The following TRIM69 variants were observed in gnomAD, a reference collection of about 807,000 sequenced individuals.
TRIM69 encodes E3 ubiquitin-protein ligase TRIM69.
A neutral mutation model predicts 37.7 loss-of-function variants in TRIM69; 29 were observed. The ratio of observed to expected loss-of-function variants is 0.77; its 90% confidence interval spans 0.57 to 1.05. The LOEUF is 1.05. Among genes scored for constraint, TRIM69 ranks in the 50% least tolerant of loss-of-function variants. The pLI is 0.00. For synonymous variants in TRIM69, 209 were observed against 212.4 expected, an observed-to-expected ratio of 0.98 and a Z score of 0.14; for missense variants, 596 against 579.9, an observed-to-expected ratio of 1.03 and a Z score of -0.28.
intron 1 of TRIM69, among the ~76,000 whole-genome samples, chr15:44,742,761 C>T (rs539143595): frequency 3.7e-4 from 54 of 146,160 alleles, no homozygotes; most frequent in Middle Eastern, 3.4e-3. Flanking sequence ...TTACAAGGGA[C>T]GTGAATGACC....
chr15:44,740,509 G>C (rs2087258314), intron 1 of TRIM69, among the ~76,000 whole-genome samples: 1 of 152,186 alleles, frequency 6.6e-6, no homozygotes, highest in Non-Finnish European at 1.5e-5. Flanking sequence ...TGTATAACTA[G>C]AATAACCAAT....
chr15:44,753,995 C>T (rs2087589440), intron 1 of TRIM69: 1 of 152,254 alleles, frequency 6.6e-6, no homozygotes, highest in Non-Finnish European at 1.5e-5. Context: ...GGATTACAGG[C>T]TTGAGCCGCA....
chr15:44,761,208 G>A (rs1237522256), intron 6 of TRIM69, among the ~76,000 whole-genome samples: 1 of 152,128 alleles, frequency 6.6e-6, no homozygotes, highest in African/African-American at 2.4e-5. Context: ...ATGAGCCACT[G>A]CGCCAGGCCG....
intron 1 of TRIM69, among the ~76,000 whole-genome samples, chr15:44,745,698 A>G (rs1596018879): frequency 6.6e-6 from 1 of 152,300 alleles, no homozygotes; most frequent in Non-Finnish European, 1.5e-5. Flanking sequence ...ACCAGCAAAG[A>G]TGTAGAAGTT....
chr15:44,748,228 G>A (rs1378880026), intron 1 of TRIM69, among the ~76,000 whole-genome samples: 1 of 152,194 alleles, frequency 6.6e-6, no homozygotes. Flanking sequence ...TGATATGCAA[G>A]TTGAAAAGTA....
intron 1 of TRIM69, among the ~76,000 whole-genome samples, chr15:44,741,032 C>A (rs1233045476): frequency 2.7e-5 from 4 of 150,636 alleles, no homozygotes; most frequent in Non-Finnish European, 6.0e-5. Flanking sequence ...AGCACCACAC[C>A]ACACCTATTC....
intron 6 of TRIM69, among the ~76,000 whole-genome samples, chr15:44,763,481 C>T (rs1206221571): frequency 6.6e-6 from 1 of 152,176 alleles, no homozygotes; most frequent in East Asian, 1.9e-4. Context: ...CTTTTTCCCT[C>T]CTTCTATACT....
intron 1 of TRIM69, among the ~76,000 whole-genome samples, chr15:44,747,570 TCAA>T (rs1265403716): frequency 6.6e-6 from 1 of 152,054 alleles, no homozygotes; most frequent in African/African-American, 2.4e-5. Context: ...GTGAGAAGCG[TCAA>T]CATCTGTCTG....
chr15:44,767,162 C>A, intron 6 of TRIM69, 69 bp from the exon 7 acceptor site: 5 of 1,228,058 alleles, frequency 4.1e-6, no homozygotes, highest in Non-Finnish European at 1.1e-6. Context: ...GAAATACTAT[C>A]TTTTACTGTG....
At chr15:44,744,354 C>A (rs2087357725) in intron 1 of TRIM69, among the ~76,000 whole-genome samples, 1 of 145,404 alleles carries the variant, frequency 6.9e-6, no homozygotes, top group South Asian at 2.3e-4. Context: ...ATACCTAATG[C>A]TAAATGATGA....
intron 1 of TRIM69, among the ~76,000 whole-genome samples, chr15:44,743,317 G>C (rs1357129787): frequency 6.6e-6 from 1 of 152,152 alleles, no homozygotes; most frequent in Non-Finnish European, 1.5e-5. Flanking sequence ...ATTAATTCAA[G>C]ACTGATTAAA....
chr15:44,748,324 C>T (rs967593635), intron 1 of TRIM69, among the ~76,000 whole-genome samples: 32 of 152,132 alleles, frequency 2.1e-4, no homozygotes, highest in Non-Finnish European at 7.4e-5. Context: ...GGCAGAGCCT[C>T]TATGTTATTC....
At chr15:44,762,377 T>C (rs1187516814) in intron 6 of TRIM69, among the ~76,000 whole-genome samples, 2 of 152,214 alleles carry the variant, frequency 1.3e-5, no homozygotes, top group Admixed American at 1.3e-4. Flanking sequence ...GTCATTGAGC[T>C]GCTTGGATCT....
intron 1 of TRIM69, among the ~76,000 whole-genome samples, chr15:44,745,771 G>T (rs1024700269): frequency 1.3e-5 from 2 of 152,018 alleles, no homozygotes; most frequent in Admixed American, 6.6e-5. Flanking sequence ...TGAGAAATTC[G>T]CAAGAAGTGT....
chr15:44,736,694 G>C lies in TRIM69; in HGVS notation c.-11G>C, dbSNP rs200431204. The C allele has an allele frequency of 3.1e-6, 5 of 1,610,108 alleles. No individual in the cohort carries two copies. The highest frequency in any genetic ancestry group is 4.2e-6 in the Non-Finnish European group (5 of 1,178,758). On this transcript the variant is annotated 5_prime_UTR_variant, in exon 1 of 7. Coordinates refer to ENST00000329464, the MANE Select transcript of TRIM69 (RefSeq NM_182985.5). The stretch of plus-strand genomic sequence containing the variant: ...AGTGCCTGCCTCTGCCCCTTGGTGG[G>C]CTGAAGCTTCATGGAGGTGAGTGAC...
Position 44,758,740 on chromosome 15 carries a change from T to C in TRIM69, c.699T>C (p.Asn233=). ...TELREEGKAL[N]EEMELNLSQL... is the part of the protein sequence containing the mutation. ...TCCGGGAAGAGGGGAAAGCCTTGAA[T>C]GAGGAGATGGAGTTGAATCTGAGCC... is the stretch of plus-strand genomic sequence containing the variant. Residue 233 remains asparagine, a synonymous_variant, in exon 4 of 7, where the codon AAT becomes AAC. Transcript: ENST00000329464. 2 of 1,614,130 alleles carry C rather than the reference T, an allele frequency of 1.2e-6. No individual in the cohort carries two copies. Among genetic ancestry groups the C allele is most frequent in the Non-Finnish European group, 1.7e-6 (2 of 1,180,024 alleles).
At position 44,755,280 on chromosome 15, in the gene TRIM69, T is replaced by G. The variant is rs750616696; in HGVS notation, c.387T>G (p.Asp129Glu). 10 of 1,614,126 alleles carry G rather than the reference T, an allele frequency of 6.2e-6. No individual in the cohort carries two copies. The highest frequency in any genetic ancestry group is 8.5e-6 in the Non-Finnish European group (10 of 1,180,030). Reference sequence around the variant, plus strand: ...ACCTGAAACTGTTCAGTAAACCAGATGGGAAACTGATCTGCTTTCAATGCA... The same window carrying G: ...ACCTGAAACTGTTCAGTAAACCAGAGGGGAAACTGATCTGCTTTCAATGCA... ...GENLKLFSKP[D>E]GKLICFQCKD... Residue 129 changes from aspartate (D) to glutamate (E), a missense_variant, in exon 2 of 7, where the codon GAT becomes GAG. Physicochemically the swap from Asp to Glu is conservative, Grantham distance 45. Transcript: ENST00000329464.
At chr15:44,739,504 G>T (rs1463682225) in intron 1 of TRIM69, among the ~76,000 whole-genome samples, 1 of 152,232 alleles carries the variant, frequency 6.6e-6, no homozygotes, top group African/African-American at 2.4e-5. Flanking sequence ...ACGGCACCTG[G>T]AAAATTGGGT....
intron 6 of TRIM69, among the ~76,000 whole-genome samples, chr15:44,766,195 G>A (rs2087884956): frequency 6.6e-6 from 1 of 152,132 alleles, no homozygotes; most frequent in African/African-American, 2.4e-5. Context: ...GCCCAATTTT[G>A]TAATTATTAG....
Sources: gnomAD v4.1 joint callset for allele counts (sites outside exome capture counted in the v4.1 genomes callset) on GRCh38, gnomAD v4.1.1 for gene constraint, MANE v1.5 for transcripts, NCBI Gene and HGNC (gene_info 2026-07-23, HGNC 2026-07-21) for gene names.